PAQR7: variants seen among roughly 807,000 people sequenced by gnomAD.
PAQR7 encodes the protein progestin and adipoQ receptor family member 7.
In PAQR7, 14 loss-of-function variants were observed where a neutral mutation model predicts 24.6. The ratio of observed to expected loss-of-function variants is 0.57; its 90% CI spans 0.38 to 0.89. The LOEUF (loss-of-function observed/expected upper bound fraction) is 0.89. Among genes scored for constraint, PAQR7 ranks in the 40% least tolerant of loss-of-function variants. PAQR7 has a pLI of 0.00. For synonymous variants in PAQR7, 189 were observed against 198.8 expected, an observed-to-expected ratio of 0.95 and a Z score of 0.42; for missense variants, 351 against 444.0, an observed-to-expected ratio of 0.79 and a Z score of 1.88.
rs950257141 is a variant in PAQR7 at position 25,870,257 on chromosome 1, C to T, written c.-23+352G>A. On this transcript the variant is annotated intron_variant, in intron 2 of 2. Coordinates refer to ENST00000675840, the MANE Select transcript of PAQR7 (RefSeq NM_178422.6). ...CCCAGCCCACCTCCATGGGCCCCTC[C>T]AAGTCTGGCAAATTGCACTGGGTAC... 2.0e-5 allele frequency among the ~76,000 whole-genome samples: 3 copies of T among 152,310 alleles called. No homozygotes were observed. The East Asian group carries it at 5.8e-4, about 29-fold the overall frequency.
Position 25,862,990 on chromosome 1 carries a change from G to A in PAQR7, c.850C>T (p.Leu284=), listed in dbSNP as rs1440002133. ...GHQLFHIFLV[L]CTLAQLEAVA... The stretch of plus-strand genomic sequence containing the variant: ...GCCTCCAGCTGAGCCAGCGTGCACA[G>A]CACCAAGAAGATGTGGAAAAGTTGG... The change falls in exon 3 of 3, where the codon CTG becomes TTG. Residue 284 remains leucine (L), a synonymous_variant. Coordinates refer to ENST00000675840, the MANE Select transcript of PAQR7 (RefSeq NM_178422.6). 6.2e-7 allele frequency: 1 copy of A among 1,614,188 alleles called. No individual in the cohort carries two copies. Among genetic ancestry groups the A allele is most frequent in the African/African-American group, 1.3e-5 (1 of 75,066 alleles).
intron 1 of PAQR7, among the ~76,000 whole-genome samples, chr1:25,872,314 C>T (rs1223217695): frequency 6.6e-6 from 1 of 152,124 alleles, no homozygotes; most frequent in Non-Finnish European, 1.5e-5. Context: ...GGCCCTGTTT[C>T]TCCAAATGTC....
intron 2 of PAQR7, among the ~76,000 whole-genome samples, chr1:25,864,233 G>A (rs2048538264): frequency 6.6e-6 from 1 of 152,184 alleles, no homozygotes; most frequent in African/African-American, 2.4e-5. Flanking sequence ...ACACATGAGA[G>A]GGGTGAGGCG....
At chr1:25,869,600 A>G (rs1433491784) in intron 2 of PAQR7, among the ~76,000 whole-genome samples, 2 of 151,806 alleles carry the variant, frequency 1.3e-5, no homozygotes, top group East Asian at 3.9e-4. Context: ...AGAAAGGAAA[A>G]AAAAAAGCTC....
intron 1 of PAQR7, chr1:25,871,217 T>TG (rs765743716): frequency 1.3e-5 from 2 of 152,160 alleles, no homozygotes; most frequent in Non-Finnish European, 2.9e-5. Flanking sequence ...TAAATTGTTC[T>TG]TAGCAAAGAC....
chr1:25,868,573 G>A (rs1212426116), intron 2 of PAQR7, among the ~76,000 whole-genome samples: 2 of 151,992 alleles, frequency 1.3e-5, no homozygotes, highest in Non-Finnish European at 2.9e-5. Context: ...CGCCAGGTGT[G>A]GTGGTGTGCA....
chr1:25,862,507 C>A lies in PAQR7; in HGVS notation c.*292G>T. The stretch of plus-strand genomic sequence containing the variant: ...CAATCCTCACCAAGCTGACCCCCAG[C>A]CTCACCCCAGTGAGTGGCAGTGGAA... On this transcript the variant is annotated 3_prime_UTR_variant, in exon 3 of 3. Coordinates refer to ENST00000675840, the MANE Select transcript of PAQR7 (RefSeq NM_178422.6). The A allele has an allele frequency of 2.7e-6, 1 of 370,778 alleles. No homozygotes were observed. Among genetic ancestry groups the A allele is most frequent in the East Asian group, 5.3e-5 (1 of 18,954 alleles). The allele number at this position is 370,778 out of a possible 1,614,324, so 23.0% of individuals were successfully genotyped here. A position where few individuals can be genotyped will look rare whatever the true frequency, so the allele number is the denominator to read the frequency against.
intron 2 of PAQR7, among the ~76,000 whole-genome samples, chr1:25,866,238 C>G (rs1315077765): frequency 1.3e-5 from 2 of 152,110 alleles, no homozygotes; most frequent in Non-Finnish European, 2.9e-5. Context: ...TCCTACTACC[C>G]TTATTCCCCA....
intron 2 of PAQR7, among the ~76,000 whole-genome samples, chr1:25,866,397 T>C (rs2048557289): frequency 6.6e-6 from 1 of 152,208 alleles, no homozygotes; most frequent in Non-Finnish European, 1.5e-5. Context: ...AGTTTAACCT[T>C]GATTCATTCA....
intron 1 of PAQR7, among the ~76,000 whole-genome samples, chr1:25,873,887 T>C (rs2048624591): frequency 6.6e-6 from 1 of 152,272 alleles, no homozygotes; most frequent in African/African-American, 2.4e-5. Context: ...TTTTCTTTTC[T>C]TTTTTTATTT....
chr1:25,873,229 A>C (rs548534922), intron 1 of PAQR7, among the ~76,000 whole-genome samples: 21 of 152,344 alleles, frequency 1.4e-4, no homozygotes, highest in Admixed American at 5.2e-4. Flanking sequence ...AACTCTCTGG[A>C]TCCACAGCCA....
intron 1 of PAQR7, among the ~76,000 whole-genome samples, chr1:25,874,182 CTTT>C (rs36099426): frequency 7.1e-6 from 1 of 139,962 alleles, no homozygotes; most frequent in Non-Finnish European, 1.5e-5. Flanking sequence ...CATGCCCAGA[CTTT>C]TTTTTTTTTT....
chr1:25,872,863 A>G (rs1329291954), intron 1 of PAQR7, among the ~76,000 whole-genome samples: 1 of 152,138 alleles, frequency 6.6e-6, no homozygotes, highest in Admixed American at 6.5e-5. Context: ...GCTCAGCTAA[A>G]TAACACCTAT....
Position 25,863,483 on chromosome 1 carries a change from GGA to G in PAQR7, c.355_356del (p.Ser119LeufsTer13). The G allele has an allele frequency of 1.2e-6, 2 of 1,614,224 alleles. No homozygotes were observed. Among genetic ancestry groups the G allele is most frequent in the East Asian group, 2.2e-5 (1 of 44,880 alleles). On this transcript the variant is annotated frameshift_variant, in exon 3 of 3. Transcript: ENST00000675840. LOFTEE classifies it high-confidence loss of function. The surrounding 1 kb of genome is among the most constrained non-coding windows in gnomAD (Gnocchi z 6.1). ...IIVLASFTYLSFSALAHLLQA... is the reference protein window; with the variant it reads ...IIVLASFTYLXFSALAHLLQA... Reference sequence around the variant, plus strand: ...GCAGGAGGTGAGCCAAGGCACTGAAGGAGAGGTAGGTGAAAGAGGCAAGGACA... The same window carrying G: ...GCAGGAGGTGAGCCAAGGCACTGAAGGAGGTAGGTGAAAGAGGCAAGGACA...
rs1557461725 is a variant in PAQR7, at chr1:25,862,938, C to T, written c.902G>A (p.Arg301Gln). 6 of 1,614,158 alleles carry T rather than the reference C, an allele frequency of 3.7e-6. No homozygotes were observed. Among genetic ancestry groups the T allele is most frequent in the Middle Eastern group, 1.6e-4 (1 of 6,062 alleles). ...EAVALDYEAR[R>Q]PIYEPLHTHW... Reference sequence around the variant, plus strand: ...CGTGTGCAGAGGCTCATAGATGGGCCGTCGGGCCTCATAGTCCAGTGCCAC... The same window carrying T: ...CGTGTGCAGAGGCTCATAGATGGGCTGTCGGGCCTCATAGTCCAGTGCCAC... Residue 301 changes from arginine to glutamine, a missense_variant, in exon 3 of 3, where the codon CGG becomes CAG. Coordinates refer to ENST00000675840, the MANE Select transcript of PAQR7 (RefSeq NM_178422.6).
At chr1:25,869,390 T>C (rs2048585015) in intron 2 of PAQR7, among the ~76,000 whole-genome samples, 1 of 151,488 alleles carries the variant, frequency 6.6e-6, no homozygotes, top group East Asian at 2.0e-4. Context: ...TGGCCAATAT[T>C]GGGAAACCCC....
Position 25,863,916 on chromosome 1 carries a change from A to T in PAQR7, c.-22-55T>A. 1 of 1,386,952 alleles carries T rather than the reference A, an allele frequency of 7.2e-7. No homozygotes were observed. Among genetic ancestry groups the T allele is most frequent in the Non-Finnish European group, 9.8e-7 (1 of 1,024,964 alleles). The allele number at this position is 1,386,952 out of a possible 1,614,324, so 85.9% of individuals were successfully genotyped here. The stretch of plus-strand genomic sequence containing the variant: ...GCCTGGTGTCCTCACCCCCACGAGC[A>T]GCAGCTGGGGGGCTCTGATGCCCAA... On this transcript the variant is annotated intron_variant, in intron 2 of 2. Coordinates refer to ENST00000675840, the MANE Select transcript of PAQR7 (RefSeq NM_178422.6). This position sits in a 1 kb window ranked among gnomAD's most constrained non-coding sequence, Gnocchi z 6.1.
intron 2 of PAQR7, among the ~76,000 whole-genome samples, chr1:25,869,769 T>A (rs1056399496): frequency 2.0e-5 from 3 of 152,148 alleles, no homozygotes; most frequent in African/African-American, 7.2e-5. Context: ...GGCTCTTTCT[T>A]ATAAATTACT....
intron 1 of PAQR7, among the ~76,000 whole-genome samples, chr1:25,873,895 T>G (rs1256679775): frequency 1.3e-5 from 2 of 152,122 alleles, no homozygotes; most frequent in Non-Finnish European, 2.9e-5. Context: ...TCTTTTTTTA[T>G]TTTTTGAGAC....
Sources: allele counts gnomAD v4.1 joint callset (sites outside exome capture counted in the v4.1 genomes callset), GRCh38; gene constraint gnomAD v4.1.1; non-coding constraint Gnocchi (gnomAD v3.1); transcripts MANE v1.5; gene names NCBI Gene and HGNC (gene_info 2026-07-23, HGNC 2026-07-21).